Variants in SSBP4 observed in about 807,000 individuals in gnomAD.
SSBP4 encodes the protein single-stranded DNA-binding protein 4.
SSBP4 carries 33 observed loss-of-function variants against 64.6 expected under a neutral mutation model. That is an observed-to-expected ratio of 0.51 (90% CI 0.39 to 0.68). The LOEUF (loss-of-function observed/expected upper bound fraction) is 0.68, where lower values mean the gene tolerates loss of function less well. Among genes scored for constraint, SSBP4 ranks in the 30% least tolerant of loss-of-function variants. The pLI, the probability that SSBP4 is intolerant of heterozygous loss-of-function variation, is 0.00. For synonymous variants in SSBP4, 243 were observed against 224.0 expected (o/e 1.08, Z -0.76); for missense variants, 583 against 566.8 (o/e 1.03, Z -0.29).
At chr19:18,420,094 T>TG (rs1013424645) in intron 1 of SSBP4, 1 of 152,176 alleles carries the variant, frequency 6.6e-6, no homozygotes, top group African/African-American at 2.4e-5. Context: ...GAGACGTGGG[T>TG]GCGCGAGGCT....
At chr19:18,418,471 C>G (rs947968451), upstream of SSBP4, among the ~76,000 whole-genome samples, 1 of 152,218 alleles carries the variant, frequency 6.6e-6, no homozygotes, top group African/African-American at 2.4e-5. The surrounding 1 kb of genome is among the most constrained non-coding windows in gnomAD (Gnocchi z 6.7). Context: ...CACCCACTGC[C>G]TGCACCCTGA....
intron 4 of SSBP4, among the ~76,000 whole-genome samples, chr19:18,428,264 A>C (rs1385667537): frequency 2.0e-5 from 3 of 152,048 alleles, no homozygotes; most frequent in Non-Finnish European, 4.4e-5. Flanking sequence ...CCATTGGGGC[A>C]CTGGGGGGTG....
At chr19:18,434,160 C>T in intron 17 of SSBP4, 57 bp from the exon 18 acceptor site, 1 of 1,607,594 alleles carries the variant, frequency 6.2e-7, no homozygotes, top group Middle Eastern at 1.7e-4. Flanking sequence ...GGGCGGGTCC[C>T]AGCCTCTTCC....
Position 18,430,956 on chromosome 19 carries a change from GC to G in SSBP4, c.369+31del, listed in dbSNP as rs761958772. On this transcript the variant is annotated intron_variant, in intron 5 of 17. Transcript: ENST00000270061. ...GTATGGCCCCGGCTGGAGTCCACTG[GC>G]CCCCAACTCTGGCTGAACATGCGTT... 2.5e-5 allele frequency: 40 copies of G among 1,607,772 alleles called. No homozygotes were observed. The South Asian group carries it at 4.4e-4, about 18-fold the overall frequency.
chr19:18,433,866 G>GA (rs1247664461), intron 17 of SSBP4, 49 bp downstream of exon 17: 1 of 1,182,690 alleles, frequency 8.5e-7, no homozygotes, highest in East Asian at 3.9e-5. Flanking sequence ...GGGCCGGAGG[G>GA]GCTGGCGGGC....
At chr19:18,416,656 G>T (rs1311988718), upstream of SSBP4, among the ~76,000 whole-genome samples, 1 of 152,200 alleles carries the variant, frequency 6.6e-6, no homozygotes, top group East Asian at 1.9e-4. Context: ...CCCGGCCACG[G>T]CTGCTTCCTG....
chr19:18,407,211 T>A, the SSBP4 span, among the ~76,000 whole-genome samples: 30 of 151,626 alleles, frequency 2.0e-4, no homozygotes, highest in African/African-American at 7.3e-4. Context: ...CTAATTTTTG[T>A]ATTTTTAGTA....
the SSBP4 span, among the ~76,000 whole-genome samples, chr19:18,410,853 A>G: frequency 6.6e-6 from 1 of 152,162 alleles, no homozygotes; most frequent in African/African-American, 2.4e-5. Flanking sequence ...CGTAGACCAC[A>G]CAGAGGAGTT....
intron 1 of SSBP4, among the ~76,000 whole-genome samples, chr19:18,422,390 G>A (rs941122616): frequency 6.6e-6 from 1 of 152,190 alleles, no homozygotes; most frequent in Non-Finnish European, 1.5e-5. Flanking sequence ...AGCTGCCAGT[G>A]GGGAGGCTGC....
intron 1 of SSBP4, 108 bp downstream of exon 1, chr19:18,419,815 C>A: frequency 1.2e-6 from 1 of 820,308 alleles, no homozygotes; most frequent in Non-Finnish European, 1.5e-6. Flanking sequence ...GGAGCGCGAG[C>A]CTGAGCGCGC....
chr19:18,407,576 C>T, the SSBP4 span, among the ~76,000 whole-genome samples: 2 of 151,044 alleles, frequency 1.3e-5, no homozygotes, highest in South Asian at 2.1e-4. Context: ...GGACTACAGG[C>T]GCCCGCCACC....
Position 18,432,867 on chromosome 19 carries a change from C to G in SSBP4, c.825C>G (p.Ile275Met), listed in dbSNP as rs746743440. Residue 275 changes from isoleucine to methionine, a missense_variant, in exon 13 of 18, where the codon ATC becomes ATG. By Grantham distance (10) the Ile-to-Met change is conservative. This residue lies in a region of SSBP4 where 444 missense variants were observed against 386.6 expected (regional missense o/e 1.15). Transcript: ENST00000270061. ...GAGGTGGGCCCCCTGGAACACCCAT[C>G]ATGCCTAGCCCTGGAGGTATGGCCT... ...PGGGGPPGTP[I>M]MPSPGDSTNS... The G allele has an allele frequency of 6.2e-7, 1 of 1,614,026 alleles. No homozygotes were observed. The highest frequency in any genetic ancestry group is 1.7e-5 in the Admixed American group (1 of 60,030).
chr19:18,419,364 C>G, upstream of SSBP4: 1 of 1,023,272 alleles, frequency 9.8e-7, no homozygotes, highest in Middle Eastern at 4.7e-4. Context: ...AGGCAGCGGG[C>G]GGGGGCGCGC....
rs1972608643 is a variant in SSBP4, at chr19:18,423,608, T to C, written c.60-3743T>C. ...TTGCAGCCATTCTGGGTAATTATGG[T>C]AACTCGCGTCATTACGGTGGTAGCT... is the stretch of plus-strand genomic sequence containing the variant. On this transcript the variant is annotated intron_variant, in intron 1 of 17. Transcript: ENST00000270061. This position sits in a 1 kb window ranked among gnomAD's most constrained non-coding sequence, Gnocchi z 4.0. Among the ~76,000 whole-genome samples the C allele has an allele frequency of 6.6e-6, 1 of 152,114 alleles. No homozygotes were observed. The highest frequency in any genetic ancestry group is 1.5e-5 in the Non-Finnish European group (1 of 68,016).
chr19:18,419,803 G>A, intron 1 of SSBP4, 96 bp downstream of exon 1: 1 of 953,860 alleles, frequency 1.0e-6, no homozygotes, highest in Admixed American at 5.3e-5. Context: ...CGCGGGCGGC[G>A]GGGAGCGCGA....
At chr19:18,406,004 AAGAC>A in the SSBP4 span, among the ~76,000 whole-genome samples, 1 of 151,122 alleles carries the variant, frequency 6.6e-6, no homozygotes, top group Non-Finnish European at 1.5e-5. Context: ...AAAAAAAAAA[AAGAC>A]AGAGAGAGAA....
At chr19:18,406,495 T>A in the SSBP4 span, among the ~76,000 whole-genome samples, 2 of 151,588 alleles carry the variant, frequency 1.3e-5, no homozygotes, top group Non-Finnish European at 2.9e-5. Context: ...AAAGTTTTTT[T>A]AAATTAGCCA....
chr19:18,432,262 C>G, intron 10 of SSBP4, 48 bp downstream of exon 10: 1 of 1,597,644 alleles, frequency 6.3e-7, no homozygotes, highest in African/African-American at 1.3e-5. Flanking sequence ...AGGCCACCAC[C>G]AGCTTCATGG....
At chr19:18,424,867 G>T (rs1040211243) in intron 1 of SSBP4, among the ~76,000 whole-genome samples, 1 of 151,640 alleles carries the variant, frequency 6.6e-6, no homozygotes, top group African/African-American at 2.4e-5. Context: ...TGAGCAGGGA[G>T]GGGGAGAATG....
Sources: allele counts gnomAD v4.1 joint callset (sites outside exome capture counted in the v4.1 genomes callset), GRCh38; gene constraint gnomAD v4.1.1; regional missense constraint gnomAD v4.1.1; non-coding constraint Gnocchi (gnomAD v3.1); transcripts MANE v1.5; gene names NCBI Gene and HGNC (gene_info 2026-07-23, HGNC 2026-07-21).